Variants in LRP1B observed in about 807,000 individuals in gnomAD.
The protein encoded by LRP1B is low-density lipoprotein receptor-related protein 1B.
A neutral mutation model predicts 556.6 loss-of-function variants in LRP1B; 217 were observed. The ratio of observed to expected loss-of-function variants is 0.39; its 90% CI spans 0.35 to 0.44. LRP1B has a LOEUF of 0.44. LRP1B is among the 20% of genes least tolerant of loss of function. The pLI, the probability that LRP1B is intolerant of heterozygous loss-of-function variation, is 1.00. For synonymous variants in LRP1B, 2,047 were observed against 1,865.8 expected (o/e 1.10, Z -2.50); for missense variants, 5,053 against 5,620.8 (o/e 0.90, Z 3.23).
chr2:140,422,879 T>C (rs1032522934), intron 66 of LRP1B, among the ~76,000 whole-genome samples: 12 of 152,204 alleles, frequency 7.9e-5, no homozygotes, highest in Non-Finnish European at 1.6e-4. Context: ...AATGTGTGGA[T>C]TTGACATTTT....
Position 140,595,087 on chromosome 2 carries a change from A to AATATATCT in LRP1B, c.7194+3543_7194+3544insAGATATAT, listed in dbSNP as rs1204829412. ...CTACTTAAAAATAAAATATAAATTG[A>AATATATCT]ATATATATATATATATATATATATA... is the stretch of plus-strand genomic sequence containing the variant. On this transcript the variant is annotated intron_variant, in intron 43 of 90. Transcript: ENST00000389484. Among the ~76,000 whole-genome samples, 363 of 99,632 alleles carry AATATATCT rather than the reference A, an allele frequency of 3.6e-3. 13 individuals are homozygous for AATATATCT. Among genetic ancestry groups the AATATATCT allele is most frequent in the Middle Eastern group, 5.5e-3 (1 of 182 alleles). 65.4% of individuals were successfully genotyped at this position (99,632 alleles called of 152,430 possible). A position where few individuals can be genotyped will look rare whatever the true frequency, so the allele number is the denominator to read the frequency against.
chr2:141,832,626 C>T (rs982010723), intron 1 of LRP1B, among the ~76,000 whole-genome samples: 6 of 151,650 alleles, frequency 4.0e-5, no homozygotes. Flanking sequence ...CAGAGGCATT[C>T]TAATGCTGTG....
chr2:140,299,000 C>A (rs1573752955), intron 83 of LRP1B, among the ~76,000 whole-genome samples: 1 of 152,074 alleles, frequency 6.6e-6, no homozygotes, highest in East Asian at 1.9e-4. Flanking sequence ...GACAATATCA[C>A]TCAGTTGACT....
chr2:140,798,504 T>C (rs7588435), intron 32 of LRP1B, among the ~76,000 whole-genome samples: 128,400 of 151,998 alleles, frequency 0.84, 54,638 homozygotes, highest in East Asian at 0.99. Context: ...AAATTTGTAA[T>C]GATGGGCCCA....
At chr2:141,979,479 T>G (rs1192484677) in intron 1 of LRP1B, among the ~76,000 whole-genome samples, 2 of 152,112 alleles carry the variant, frequency 1.3e-5, no homozygotes, top group Admixed American at 6.6e-5. Flanking sequence ...AGAACCACTT[T>G]TTAATGGTAG....
intron 3 of LRP1B, among the ~76,000 whole-genome samples, chr2:141,284,128 C>G (rs1421793815): frequency 6.6e-6 from 1 of 152,024 alleles, no homozygotes; most frequent in Non-Finnish European, 1.5e-5. Flanking sequence ...GCACAGTGGT[C>G]TCAATTTCCA....
chr2:141,750,831 T>C lies in LRP1B; in HGVS notation c.205+59448A>G, dbSNP rs75148040. Reference sequence around the variant, plus strand: ...GAAAAATCAGTGTCATTGAAAAAGATTCATTAGAAAGACAGAATTCATGGA... The same window carrying C: ...GAAAAATCAGTGTCATTGAAAAAGACTCATTAGAAAGACAGAATTCATGGA... On this transcript the variant is annotated intron_variant, in intron 2 of 90. Coordinates refer to ENST00000389484, the MANE Select transcript of LRP1B (RefSeq NM_018557.3). 1.7e-3 allele frequency among the ~76,000 whole-genome samples: 260 copies of C among 152,184 alleles called. 8 individuals carry two copies. The East Asian group carries it at 0.038, about 22-fold the overall frequency.
At chr2:141,597,724 CCT>C (rs1482665709) in intron 2 of LRP1B, among the ~76,000 whole-genome samples, 30 of 151,970 alleles carry the variant, frequency 2.0e-4, no homozygotes, top group Non-Finnish European at 4.4e-4. Flanking sequence ...AATCTCACAG[CCT>C]CTTATTTTTA....
chr2:140,925,478 G>A (rs751524114), intron 20 of LRP1B, among the ~76,000 whole-genome samples: 43 of 152,084 alleles, frequency 2.8e-4, no homozygotes, highest in African/African-American at 7.0e-4. Context: ...CTTAACTTTC[G>A]TTGAAAACAA....
chr2:141,775,416 A>G (rs1695031202), intron 2 of LRP1B, among the ~76,000 whole-genome samples: 1 of 152,232 alleles, frequency 6.6e-6, no homozygotes, highest in African/African-American at 2.4e-5. Context: ...CCCCTGAACC[A>G]GTTGTAACTT....
At chr2:141,241,149 A>T (rs1473366936) in intron 5 of LRP1B, among the ~76,000 whole-genome samples, 1 of 152,106 alleles carries the variant, frequency 6.6e-6, no homozygotes, top group Non-Finnish European at 1.5e-5. Context: ...GATAGTAAAA[A>T]TTCCATCAGA....
intron 6 of LRP1B, among the ~76,000 whole-genome samples, chr2:141,217,879 T>G (rs888297482): frequency 1.3e-5 from 2 of 151,968 alleles, no homozygotes; most frequent in African/African-American, 4.8e-5. Flanking sequence ...TTTAAGGAAC[T>G]TAAATAAATG....
chr2:140,392,635 G>A (rs1421809734), intron 66 of LRP1B, among the ~76,000 whole-genome samples: 1 of 151,846 alleles, frequency 6.6e-6, no homozygotes, highest in African/African-American at 2.4e-5. Flanking sequence ...CTACAGGCAT[G>A]TGCTACCACA....
chr2:140,374,341 G>A (rs1277747951), intron 68 of LRP1B, among the ~76,000 whole-genome samples: 4 of 152,274 alleles, frequency 2.6e-5, no homozygotes, highest in Admixed American at 1.3e-4. Context: ...AGTAAAGCAC[G>A]TTGAACTACT....
intron 66 of LRP1B, among the ~76,000 whole-genome samples, chr2:140,436,901 G>T (rs1025061236): frequency 6.6e-6 from 1 of 152,036 alleles, no homozygotes; most frequent in African/African-American, 2.4e-5. Flanking sequence ...AACAATACTG[G>T]ATGCACACAA....
intron 2 of LRP1B, among the ~76,000 whole-genome samples, chr2:141,608,668 A>G (rs538698084): frequency 6.6e-6 from 1 of 152,352 alleles, no homozygotes; most frequent in African/African-American, 2.4e-5. Flanking sequence ...AACTTTATGG[A>G]AAAAATATAT....
chr2:140,572,271 T>TA (rs1254348855), intron 43 of LRP1B, among the ~76,000 whole-genome samples: 4 of 151,104 alleles, frequency 2.6e-5, no homozygotes, highest in African/African-American at 7.3e-5. Context: ...CCACAATACA[T>TA]AAGGAACCTA....
At chr2:140,455,780 T>C (rs1687081992) in intron 62 of LRP1B, among the ~76,000 whole-genome samples, 1 of 152,148 alleles carries the variant, frequency 6.6e-6, no homozygotes, top group South Asian at 2.1e-4. Context: ...ATTCTAAAAA[T>C]ACATTTAGTC....
At chr2:142,060,677 C>T (rs1324529807) in intron 1 of LRP1B, among the ~76,000 whole-genome samples, 1 of 151,986 alleles carries the variant, frequency 6.6e-6, no homozygotes, top group Non-Finnish European at 1.5e-5. Context: ...CATGTGGTTA[C>T]TCCACGAAAA....
Sources: gnomAD v4.1 joint callset for allele counts (sites outside exome capture counted in the v4.1 genomes callset) on GRCh38, gnomAD v4.1.1 for gene constraint, MANE v1.5 for transcripts, NCBI Gene and HGNC (gene_info 2026-07-23, HGNC 2026-07-21) for gene names.